Variants in BRD3 observed in about 807,000 individuals in gnomAD.
BRD3 encodes bromodomain-containing protein 3.
Under a neutral mutation model 66.8 loss-of-function variants are expected in BRD3, and 17 were observed. That is an observed-to-expected ratio of 0.25 (90% confidence interval 0.17 to 0.38). The LOEUF is 0.38. BRD3 is among the 10% of genes least tolerant of loss of function. The pLI, the probability that BRD3 is intolerant of heterozygous loss-of-function variation, is 1.00. For synonymous variants in BRD3, 421 were observed against 393.2 expected, an observed-to-expected ratio of 1.07 and a Z score of -0.84; for missense variants, 713 against 956.1, an observed-to-expected ratio of 0.75 and a Z score of 3.35.
At chr9:134,054,493 G>C (rs1830373581) in intron 1 of BRD3, 1 of 152,364 alleles carries the variant, frequency 6.6e-6, no homozygotes, top group Non-Finnish European at 1.5e-5. Context: ...ACCTGTAAAG[G>C]TGTGGGGCAG....
At chr9:134,068,267 G>A (rs892536845), upstream of BRD3, 330 of 147,836 alleles carry the variant, frequency 2.2e-3, 1 homozygote, top group African/African-American at 7.3e-3. Flanking sequence ...CGCCCGGCAG[G>A]GCAACAACGC....
At chr9:134,067,312 G>C (rs964933187) in intron 1 of BRD3, among the ~76,000 whole-genome samples, 1 of 151,208 alleles carries the variant, frequency 6.6e-6, no homozygotes, top group African/African-American at 2.4e-5. Flanking sequence ...CGTAACTCTG[G>C]GAGGAGGCCG....
At chr9:134,059,569 G>T (rs1325202102) in intron 1 of BRD3, among the ~76,000 whole-genome samples, 1 of 152,258 alleles carries the variant, frequency 6.6e-6, no homozygotes, top group East Asian at 1.9e-4. Flanking sequence ...AGCAGAAGGG[G>T]GTGTGGTCTC....
intron 3 of BRD3, 23 bp downstream of exon 3, chr9:134,052,283 G>C (rs201382638): frequency 6.2e-7 from 1 of 1,610,336 alleles, no homozygotes; most frequent in East Asian, 2.2e-5. Flanking sequence ...TGCAAGCGGC[G>C]TGCCAGGCCC....
chr9:134,037,128 T>C (rs765140871), intron 9 of BRD3, among the ~76,000 whole-genome samples: 6 of 152,084 alleles, frequency 3.9e-5, no homozygotes, highest in Non-Finnish European at 4.4e-5. Flanking sequence ...TCTACACAAA[T>C]GCCACTTTAA....
rs1479029664 is a variant in BRD3 at position 134,036,087 on chromosome 9, C to G, written c.1881G>C (p.Arg627=). 1 of 1,614,132 alleles carries G rather than the reference C, an allele frequency of 6.2e-7. No homozygotes were observed. Among genetic ancestry groups the G allele is most frequent in the Admixed American group, 1.7e-5 (1 of 60,014 alleles). The change falls in exon 10 of 12, where the codon CGG becomes CGC. Residue 627 remains arginine, a synonymous_variant. Coordinates refer to ENST00000303407, the MANE Select transcript of BRD3 (RefSeq NM_007371.4). Reference sequence around the variant, plus strand: ...AAGACTTGACATATCTCTCCAGTTCCCGCAAAGTGGTGGGTTTCAGAGTCT... The same window carrying G: ...AAGACTTGACATATCTCTCCAGTTCGCGCAAAGTGGTGGGTTTCAGAGTCT... ...DFETLKPTTL[R]ELERYVKSCL...
In BRD3 at chr9:134,031,943, G is replaced by A. The variant is rs1843517489; in HGVS notation, c.*1647C>T. On this transcript the variant is annotated 3_prime_UTR_variant, in exon 12 of 12. Coordinates refer to ENST00000303407, the MANE Select transcript of BRD3 (RefSeq NM_007371.4). ...AACGCGTGAGCAGGGAGCACCGTGC[G>A]AGTCTCCGGGAGGGAATCCTCCTGG... 4.6e-6 allele frequency: 1 copy of A among 217,080 alleles called. No homozygotes were observed. The highest frequency in any genetic ancestry group is 6.8e-5 in the East Asian group (1 of 14,656). The allele number at this position is 217,080 out of a possible 1,614,324, so 13.4% of individuals were successfully genotyped here.
intron 3 of BRD3, among the ~76,000 whole-genome samples, chr9:134,052,081 C>T (rs768851029): frequency 2.0e-5 from 3 of 151,848 alleles, no homozygotes; most frequent in Non-Finnish European, 2.9e-5. Flanking sequence ...TTAGTAGAGA[C>T]GGGGTTTCAC....
chr9:134,034,973 G>T, intron 10 of BRD3, 144 bp from the exon 11 acceptor site: 2 of 1,283,638 alleles, frequency 1.6e-6, no homozygotes, highest in Non-Finnish European at 2.2e-6. Flanking sequence ...GGAGCTGACA[G>T]ATGCAAAGCT....
In BRD3 at chr9:134,032,868, CTTTT is replaced by C. The variant is rs57529360; in HGVS notation, c.*718_*721del. 27 of 227,700 alleles carry C rather than the reference CTTTT, an allele frequency of 1.2e-4. No homozygotes were observed. Among genetic ancestry groups the C allele is most frequent in the African/African-American group, 5.3e-4 (21 of 39,490 alleles). The allele number at this position is 227,700 out of a possible 1,614,324, so 14.1% of individuals were successfully genotyped here. On this transcript the variant is annotated 3_prime_UTR_variant, in exon 12 of 12. Transcript: ENST00000303407. ...TTTTTTTTTTTTTAAATCTTTTCTT[CTTTT>C]TTTTTTTTTAAAGTTGAGGTAAAAG...
At position 134,051,871 on chromosome 9, in the gene BRD3, G is replaced by GTTT. The variant is rs1564555774; in HGVS notation, c.352-163_352-162insAAA. Among the ~76,000 whole-genome samples, 8 of 110,506 alleles carry GTTT rather than the reference G, an allele frequency of 7.2e-5. 1 individual carries two copies. Among genetic ancestry groups the GTTT allele is most frequent in the African/African-American group, 3.4e-4 (8 of 23,256 alleles). The allele number at this position is 110,506 out of a possible 152,430, so 72.5% of individuals were successfully genotyped here. A position where few individuals can be genotyped will look rare whatever the true frequency, so the allele number is the denominator to read the frequency against. On this transcript the variant is annotated intron_variant, in intron 3 of 11. Transcript: ENST00000303407. ...TATGTGTGTGTGTGTGTGTGTGTGT[G>GTTT]TGTGTGTTGTTTTTTTTGTTTTTTT...
chr9:134,063,298 GC>G (rs1385528243), intron 1 of BRD3, among the ~76,000 whole-genome samples: 1 of 152,254 alleles, frequency 6.6e-6, no homozygotes, highest in Non-Finnish European at 1.5e-5. Context: ...AGCCCACGGA[GC>G]CACCGTGCTT....
rs1256670376 is a variant in BRD3, at chr9:134,033,384, C to T, written c.*206G>A. On this transcript the variant is annotated 3_prime_UTR_variant, in exon 12 of 12. Coordinates refer to ENST00000303407, the MANE Select transcript of BRD3 (RefSeq NM_007371.4). The surrounding 1 kb of genome is among the most constrained non-coding windows in gnomAD (Gnocchi z 5.1). ...TCAGTGATGAAGAAGAGACTTTCTG[C>T]AGAGTTCACACCTTCTCATCAAGTC... The T allele has an allele frequency of 8.4e-6, 4 of 477,192 alleles. No individual in the cohort carries two copies. The highest frequency in any genetic ancestry group is 4.8e-4 in the Middle Eastern group (1 of 2,072). 29.6% of individuals were successfully genotyped at this position (477,192 alleles called of 1,614,324 possible). A position where few individuals can be genotyped will look rare whatever the true frequency, so the allele number is the denominator to read the frequency against.
At position 134,040,162 on chromosome 9, in the gene BRD3, C is replaced by CTCCTTG. The variant is rs778840580; in HGVS notation, c.1509_1514dup (p.Asp503_Lys504dup). ...TCACTTTGTGCTTCTCCTTCTCCTT[C>CTCCTTG]TCCTTGTCCTTCTTCTTCTTCTCCT... is the stretch of plus-strand genomic sequence containing the variant. On this transcript the variant is annotated inframe_insertion, in exon 9 of 12. Coordinates refer to ENST00000303407, the MANE Select transcript of BRD3 (RefSeq NM_007371.4). 3.2e-6 allele frequency: 5 copies of CTCCTTG among 1,562,570 alleles called. No individual in the cohort carries two copies. In the African/African-American group the frequency reaches 5.4e-5, roughly 17 times the overall value.
At chr9:134,042,863 A>G (rs1461576843) in intron 7 of BRD3, among the ~76,000 whole-genome samples, 1 of 146,436 alleles carries the variant, frequency 6.8e-6, no homozygotes, top group Non-Finnish European at 1.5e-5. Context: ...CTCTCAAGAC[A>G]GAGTCTTGCT....
intron 6 of BRD3, among the ~76,000 whole-genome samples, chr9:134,046,929 G>A (rs958889124): frequency 6.6e-6 from 1 of 152,224 alleles, no homozygotes; most frequent in Non-Finnish European, 1.5e-5. Flanking sequence ...CCAAACACTG[G>A]AACCCCCCAT....
intron 1 of BRD3, among the ~76,000 whole-genome samples, chr9:134,061,957 G>A (rs771437785): frequency 6.6e-6 from 1 of 152,110 alleles, no homozygotes; most frequent in African/African-American, 2.4e-5. Context: ...GTCCCCAGGC[G>A]GCCAGAGGGG....
In BRD3 at chr9:134,053,460, T is replaced by C. The variant is rs757545659; in HGVS notation, c.18A>G (p.Thr6=). Residue 6 remains threonine, a synonymous_variant, in exon 2 of 12, where the codon ACA becomes ACG. Transcript: ENST00000303407. MSTAT[T]VAPAGIPATP... is the part of the protein sequence containing the mutation. The stretch of plus-strand genomic sequence containing the variant: ...TCGCCGGGATCCCCGCGGGGGCGAC[T>C]GTCGTGGCGGTGGACATCCTCCGGC... The C allele has an allele frequency of 6.2e-7, 1 of 1,603,256 alleles. No homozygotes were observed. Among genetic ancestry groups the C allele is most frequent in the Non-Finnish European group, 8.5e-7 (1 of 1,176,950 alleles).
In BRD3 at chr9:134,032,283, A is replaced by G. The variant is rs1843521775; in HGVS notation, c.*1307T>C. ...CTATACATTTTTTCTCTCAGATTACAAAGTTTATATTATATAACTGGGGTT... is the reference window on the plus strand; with the variant it reads ...CTATACATTTTTTCTCTCAGATTACGAAGTTTATATTATATAACTGGGGTT... On this transcript the variant is annotated 3_prime_UTR_variant, in exon 12 of 12. Coordinates refer to ENST00000303407, the MANE Select transcript of BRD3 (RefSeq NM_007371.4). 5 of 219,496 alleles carry G rather than the reference A, an allele frequency of 2.3e-5. No individual in the cohort carries two copies. Among genetic ancestry groups the G allele is most frequent in the Non-Finnish European group, 4.6e-5 (5 of 109,574 alleles). 13.6% of individuals were successfully genotyped at this position (219,496 alleles called of 1,614,324 possible).
Sources: allele counts gnomAD v4.1 joint callset (sites outside exome capture counted in the v4.1 genomes callset), GRCh38; gene constraint gnomAD v4.1.1; non-coding constraint Gnocchi (gnomAD v3.1); transcripts MANE v1.5; gene names NCBI Gene and HGNC (gene_info 2026-07-23, HGNC 2026-07-21).